RIPK1: variants seen among roughly 807,000 people sequenced by gnomAD.
The protein encoded by RIPK1 is receptor-interacting serine/threonine-protein kinase 1.
In RIPK1, 27 loss-of-function variants were observed where a neutral mutation model predicts 62.4. The ratio of observed to expected loss-of-function variants is 0.43; its 90% CI spans 0.32 to 0.60. The LOEUF is 0.60. Among genes scored for constraint, RIPK1 ranks in the 20% least tolerant of loss-of-function variants. The pLI is 0.07. For missense variants in RIPK1, 735 were observed against 831.0 expected (o/e 0.88, Z 1.42); for synonymous variants, 287 against 303.2 (o/e 0.95, Z 0.55).
intron 8 of RIPK1, among the ~76,000 whole-genome samples, chr6:3,104,809 CTCT>C (rs2113691081): frequency 6.6e-6 from 1 of 152,278 alleles, no homozygotes; most frequent in African/African-American, 2.4e-5. Flanking sequence ...TCTCATAGGG[CTCT>C]TCAAGAATGA....
At chr6:3,106,327 A>G (rs1170592079) in intron 9 of RIPK1, among the ~76,000 whole-genome samples, 1 of 152,206 alleles carries the variant, frequency 6.6e-6, no homozygotes, top group African/African-American at 2.4e-5. Context: ...AGTGCATAGT[A>G]GTCCTATTTC....
chr6:3,087,899 C>A (rs1469632552), intron 6 of RIPK1, among the ~76,000 whole-genome samples: 4 of 152,156 alleles, frequency 2.6e-5, no homozygotes, highest in Non-Finnish European at 5.9e-5. Context: ...TATATTCTCC[C>A]CTTTTTTGCT....
chr6:3,090,162 T>G (rs1351995043), intron 7 of RIPK1, among the ~76,000 whole-genome samples: 1 of 152,156 alleles, frequency 6.6e-6, no homozygotes, highest in East Asian at 1.9e-4. Flanking sequence ...CTCTCCCTCC[T>G]TCCCCTGTAC....
At chr6:3,094,174 A>G (rs13192079) in intron 7 of RIPK1, among the ~76,000 whole-genome samples, 5,105 of 114,736 alleles carry the variant, frequency 0.044, 1,154 homozygotes, top group African/African-American at 0.29. Flanking sequence ...ACTGTAGCGT[A>G]CCTACCTGCT....
chr6:3,073,222 T>C (rs533270159), intron 1 of RIPK1, among the ~76,000 whole-genome samples: 2 of 149,432 alleles, frequency 1.3e-5, no homozygotes, highest in African/African-American at 5.0e-5. Flanking sequence ...TGTGTATATA[T>C]ACACACATAT....
rs1450538167 is a variant in RIPK1, at chr6:3,104,348, T to C, written c.1006+33T>C. 4.2e-6 allele frequency: 5 copies of C among 1,178,214 alleles called. No individual in the cohort carries two copies. In the Admixed American group the frequency reaches 8.7e-5, roughly 21 times the overall value. 73.0% of individuals were successfully genotyped at this position (1,178,214 alleles called of 1,614,324 possible). A position where few individuals can be genotyped will look rare whatever the true frequency, so the allele number is the denominator to read the frequency against. On this transcript the variant is annotated intron_variant, in intron 8 of 10. Transcript: ENST00000259808. Reference sequence around the variant, plus strand: ...ACACTATGGTCAAAATCTATTCATTTATTTGTTTGGTTACTCATTCACTCC... The same window carrying C: ...ACACTATGGTCAAAATCTATTCATTCATTTGTTTGGTTACTCATTCACTCC...
chr6:3,112,848 C>T (rs983407700), intron 10 of RIPK1, among the ~76,000 whole-genome samples: 3 of 152,176 alleles, frequency 2.0e-5, no homozygotes, highest in Non-Finnish European at 4.4e-5. Context: ...CGGGAATGCC[C>T]TATTCTAATT....
intron 4 of RIPK1, among the ~76,000 whole-genome samples, chr6:3,081,906 T>G (rs1472162416): frequency 1.0e-5 from 1 of 98,166 alleles, no homozygotes; most frequent in Non-Finnish European, 2.0e-5. Context: ...AAAAAAAAAA[T>G]CAGCAGTGCA....
At chr6:3,082,734 A>G (rs1308816210) in intron 4 of RIPK1, among the ~76,000 whole-genome samples, 6 of 152,230 alleles carry the variant, frequency 3.9e-5, no homozygotes, top group African/African-American at 1.4e-4. Flanking sequence ...CAAGCCCTAG[A>G]AATAGTTGAA....
At chr6:3,080,205 C>A (rs949746921) in intron 3 of RIPK1, among the ~76,000 whole-genome samples, 1 of 152,156 alleles carries the variant, frequency 6.6e-6, no homozygotes, top group African/African-American at 2.4e-5. Context: ...TTCCTGTTAA[C>A]CAACGACCAA....
intron 7 of RIPK1, among the ~76,000 whole-genome samples, chr6:3,090,650 A>C (rs1257771339): frequency 3.9e-5 from 6 of 152,140 alleles, no homozygotes; most frequent in Admixed American, 3.3e-4. Flanking sequence ...TCTCTCTTCA[A>C]TTGATAGAAC....
upstream of RIPK1, chr6:3,068,355 CA>C (rs1318140272): frequency 2.0e-6 from 2 of 985,340 alleles, no homozygotes; most frequent in Non-Finnish European, 2.4e-6. Context: ...CGCTTGAAAA[CA>C]AAGTCCGCGA....
chr6:3,106,818 A>T (rs1760872148), intron 9 of RIPK1, among the ~76,000 whole-genome samples: 1 of 152,266 alleles, frequency 6.6e-6, no homozygotes, highest in African/African-American at 2.4e-5. Flanking sequence ...ATTGGATTAG[A>T]CATTAAGCAG....
intron 10 of RIPK1, 149 bp from the exon 11 acceptor site, chr6:3,112,904 C>A: frequency 1.8e-6 from 1 of 567,442 alleles, no homozygotes; most frequent in Non-Finnish European, 3.0e-6. Flanking sequence ...AAATGTCTGC[C>A]AGTGCATCAA....
chr6:3,068,333 G>C (rs1007932803), upstream of RIPK1: 1 of 985,270 alleles, frequency 1.0e-6, no homozygotes, highest in African/African-American at 1.7e-5. Context: ...CTTTTACGTA[G>C]GCCGCCCCAC....
At chr6:3,090,387 G>T (rs980665037) in intron 7 of RIPK1, among the ~76,000 whole-genome samples, 1 of 151,910 alleles carries the variant, frequency 6.6e-6, no homozygotes, top group African/African-American at 2.4e-5. Flanking sequence ...AAATAAAACA[G>T]GCAGAGACTT....
chr6:3,105,734 T>G lies in RIPK1; in HGVS notation c.1259T>G (p.Phe420Cys), dbSNP rs1276022241. 1.2e-6 allele frequency: 2 copies of G among 1,614,198 alleles called. No individual in the cohort carries two copies. The highest frequency in any genetic ancestry group is 4.5e-5 in the East Asian group (2 of 44,882). Residue 420 changes from phenylalanine (F) to cysteine (C), a missense_variant, in exon 9 of 11, where the codon TTT (phenylalanine) becomes TGT (cysteine). Coordinates refer to ENST00000259808, the MANE Select transcript of RIPK1 (RefSeq NM_001354930.2). The surrounding 1 kb of genome is among the most constrained non-coding windows in gnomAD (Gnocchi z 4.5). ...AGACGCAGGGTCTCCCATGACCCTT[T>G]TGCACAGCAAAGACCTTACGAGAAT... is the stretch of plus-strand genomic sequence containing the variant. ...ERRRRVSHDPFAQQRPYENFQ... is the reference protein window; with the variant it reads ...ERRRRVSHDPCAQQRPYENFQ...
intron 7 of RIPK1, among the ~76,000 whole-genome samples, chr6:3,095,061 G>GA (rs1211837088): frequency 1.3e-5 from 2 of 149,684 alleles, no homozygotes; most frequent in African/African-American, 4.9e-5. Context: ...CTACTTCTGA[G>GA]AAAAAAAAGA....
chr6:3,083,251 C>T lies in RIPK1; in HGVS notation c.626C>T (p.Ser209Leu), dbSNP rs781186103. The T allele has an allele frequency of 1.5e-5, 25 of 1,613,744 alleles. No individual in the cohort carries two copies. Among genetic ancestry groups the T allele is most frequent in the East Asian group, 2.2e-5 (1 of 44,896 alleles). ...NDVNAKPTEKSDVYSFAVVLW... is the reference protein window; with the variant it reads ...NDVNAKPTEKLDVYSFAVVLW... ...GTCAACGCAAAGCCCACAGAGAAGT[C>T]GGATGTGTACAGCTTTGCTGTAGTA... The change falls in exon 5 of 11, where the codon TCG becomes TTG. Residue 209 changes from serine (S) to leucine (L), a missense_variant. By Grantham distance (145) the Ser-to-Leu change is moderately radical (BLOSUM62 -2). Coordinates refer to ENST00000259808, the MANE Select transcript of RIPK1 (RefSeq NM_001354930.2).
Sources: gnomAD v4.1 joint callset for allele counts (sites outside exome capture counted in the v4.1 genomes callset) on GRCh38, gnomAD v4.1.1 for gene constraint, Gnocchi (gnomAD v3.1) non-coding constraint, MANE v1.5 for transcripts, NCBI Gene and HGNC (gene_info 2026-07-23, HGNC 2026-07-21) for gene names.